CDX1: variants seen among roughly 807,000 people sequenced by gnomAD.
CDX1 encodes the protein caudal type homeobox 1, also known as homeobox protein CDX-1.
In CDX1, 9 loss-of-function variants were observed where a neutral mutation model predicts 16.9. That is an observed-to-expected ratio of 0.53 (90% CI 0.32 to 0.93). CDX1 has a LOEUF of 0.93. CDX1 is among the 40% of genes least tolerant of loss of function. The pLI is 0.04. For missense variants in CDX1, 393 were observed against 386.1 expected (o/e 1.02, Z -0.15); for synonymous variants, 179 against 179.0 (o/e 1.00, Z 0.00).
chr5:150,181,920 G>C (rs961966149), intron 1 of CDX1, among the ~76,000 whole-genome samples: 52 of 152,292 alleles, frequency 3.4e-4, no homozygotes, highest in African/African-American at 1.2e-3. Flanking sequence ...CTGGACACAG[G>C]GGGATGTGTG....
At chr5:150,171,680 G>A (rs927985781) in intron 1 of CDX1, among the ~76,000 whole-genome samples, 1 of 152,178 alleles carries the variant, frequency 6.6e-6, no homozygotes, top group Non-Finnish European at 1.5e-5. Context: ...CATTTCTATG[G>A]CAATCAGAGC....
chr5:150,181,571 G>T (rs931681729), intron 1 of CDX1, among the ~76,000 whole-genome samples: 3 of 152,140 alleles, frequency 2.0e-5, no homozygotes, highest in African/African-American at 7.2e-5. Flanking sequence ...GAGCCACCGC[G>T]CCTGGCCCTA....
chr5:150,167,112 G>T lies in CDX1; in HGVS notation c.236G>T (p.Gly79Val). The T allele has an allele frequency of 7.5e-7, 1 of 1,339,678 alleles. No homozygotes were observed. Among genetic ancestry groups the T allele is most frequent in the South Asian group, 2.0e-5 (1 of 50,080 alleles). The allele number at this position is 1,339,678 out of a possible 1,614,324, so 83.0% of individuals were successfully genotyped here. ...KDDWAAAYGPGPAAPAASPAS... is the reference protein window; with the variant it reads ...KDDWAAAYGPVPAAPAASPAS... ...GACTGGGCCGCCGCCTACGGCCCGG[G>T]CCCCGCGGCCCCTGCCGCCAGCCCA... is the stretch of plus-strand genomic sequence containing the variant. Residue 79 changes from glycine to valine, a missense_variant, in exon 1 of 3, where the codon GGC (glycine) becomes GTC (valine). Transcript: ENST00000231656.
At position 150,167,109 on chromosome 5, in the gene CDX1, C is replaced by T. The variant is rs1277739240; in HGVS notation, c.233C>T (p.Pro78Leu). The change falls in exon 1 of 3, where the codon CCG becomes CTG. Residue 78 changes from proline to leucine, a missense_variant. Coordinates refer to ENST00000231656, the MANE Select transcript of CDX1 (RefSeq NM_001804.3). ...GACGACTGGGCCGCCGCCTACGGCC[C>T]GGGCCCCGCGGCCCCTGCCGCCAGC... ...PKDDWAAAYG[P>L]GPAAPAASPA... is the part of the protein sequence containing the mutation. 10 of 1,344,464 alleles carry T rather than the reference C, an allele frequency of 7.4e-6. No homozygotes were observed. The highest frequency in any genetic ancestry group is 6.6e-6 in the Non-Finnish European group (7 of 1,056,396). The allele number at this position is 1,344,464 out of a possible 1,614,324, so 83.3% of individuals were successfully genotyped here.
rs73796346 is a variant in CDX1 at position 150,181,056 on chromosome 5, A to G, written c.446-1712A>G. On this transcript the variant is annotated intron_variant, in intron 1 of 2. Coordinates refer to ENST00000231656, the MANE Select transcript of CDX1 (RefSeq NM_001804.3). Reference sequence around the variant, plus strand: ...TGTCTCCTCTGCTCAGAATCCTGCAATGGCTCCTGTCCCAGACAGAGGAAA... The same window carrying G: ...TGTCTCCTCTGCTCAGAATCCTGCAGTGGCTCCTGTCCCAGACAGAGGAAA... 6.0e-3 allele frequency among the ~76,000 whole-genome samples: 917 copies of G among 152,282 alleles called. 8 individuals are homozygous for G. The highest frequency in any genetic ancestry group is 0.021 in the African/African-American group (880 of 41,546).
Position 150,167,320 on chromosome 5 carries a change from C to T in CDX1, c.444C>T (p.Ser148=), listed in dbSNP as rs987049203. 3 of 1,255,918 alleles carry T rather than the reference C, an allele frequency of 2.4e-6. No individual in the cohort carries two copies. Among genetic ancestry groups the T allele is most frequent in the African/African-American group, 3.1e-5 (2 of 64,592 alleles). 77.8% of individuals were successfully genotyped at this position (1,255,918 alleles called of 1,614,324 possible). A position where few individuals can be genotyped will look rare whatever the true frequency, so the allele number is the denominator to read the frequency against. Residue 148 remains serine, a splice_region_variant and synonymous_variant, in exon 1 of 3, where the codon AGC becomes AGT. Transcript: ENST00000231656. ...TGGCGGCCGGAGGCGGCGGTGGCAG[C>T]GGTAAGGACCCTTCCCTCGCCCTGC... ...RSVAAGGGGG[S]GKTRTKDKYR...
intron 1 of CDX1, among the ~76,000 whole-genome samples, chr5:150,181,432 C>T (rs979906950): frequency 1.3e-5 from 2 of 152,136 alleles, no homozygotes; most frequent in Admixed American, 6.5e-5. Flanking sequence ...TATGCCACCA[C>T]GCCCGGCTAA....
At chr5:150,177,533 C>T (rs573106254) in intron 1 of CDX1, among the ~76,000 whole-genome samples, 418 of 152,316 alleles carry the variant, frequency 2.7e-3, no homozygotes, top group Non-Finnish European at 4.7e-3. Context: ...GGTTCTACTG[C>T]TGTTTCTGAG....
At chr5:150,171,587 C>T (rs567559018) in intron 1 of CDX1, among the ~76,000 whole-genome samples, 8 of 152,356 alleles carry the variant, frequency 5.3e-5, no homozygotes, top group Admixed American at 6.5e-5. Context: ...CCGCCCGCCT[C>T]GGCCTCCCCA....
chr5:150,167,561 G>A (rs560754935), intron 1 of CDX1, among the ~76,000 whole-genome samples: 60 of 152,336 alleles, frequency 3.9e-4, no homozygotes, highest in African/African-American at 1.2e-3. Flanking sequence ...GAGACCCCCT[G>A]CGAAGTGCGG....
In CDX1 at chr5:150,183,685, A is replaced by G. The variant is rs1367300091; in HGVS notation, c.*5A>G. ...AAAGAGGAGTTTCTGCCATAGCCCC[A>G]TGCCCAGCCTGTGCGCCGGGGGACC... On this transcript the variant is annotated 3_prime_UTR_variant, in exon 3 of 3. Coordinates refer to ENST00000231656, the MANE Select transcript of CDX1 (RefSeq NM_001804.3). The G allele has an allele frequency of 1.9e-6, 3 of 1,543,428 alleles. No homozygotes were observed. The highest frequency in any genetic ancestry group is 2.0e-5 in the Admixed American group (1 of 50,828).
In CDX1 at chr5:150,166,880, T is replaced by C. The variant is rs1384005928; in HGVS notation, c.4T>C (p.Tyr2His). The C allele has an allele frequency of 6.7e-7, 1 of 1,501,790 alleles. No homozygotes were observed. Among genetic ancestry groups the C allele is most frequent in the African/African-American group, 1.5e-5 (1 of 68,194 alleles). The allele number at this position is 1,501,790 out of a possible 1,614,324, so 93.0% of individuals were successfully genotyped here. A position where few individuals can be genotyped will look rare whatever the true frequency, so the allele number is the denominator to read the frequency against. Residue 2 changes from tyrosine (Y) to histidine (H), a missense_variant, in exon 1 of 3, where the codon TAT (tyrosine) becomes CAT (histidine). Tyr to His is a moderately conservative substitution (Grantham distance 83). Transcript: ENST00000231656. Reference sequence around the variant, plus strand: ...CGCGGGGGACCCCGCGGCCACCATGTATGTGGGCTATGTGCTGGACAAGGA... The same window carrying C: ...CGCGGGGGACCCCGCGGCCACCATGCATGTGGGCTATGTGCTGGACAAGGA... M[Y>H]VGYVLDKDSP...
intron 1 of CDX1, among the ~76,000 whole-genome samples, chr5:150,177,986 G>A (rs1450849633): frequency 6.6e-6 from 1 of 152,190 alleles, no homozygotes; most frequent in East Asian, 1.9e-4. Flanking sequence ...AGGACAGAGA[G>A]GAGTAATTAT....
chr5:150,171,999 C>G (rs1761513742), intron 1 of CDX1, among the ~76,000 whole-genome samples: 1 of 152,230 alleles, frequency 6.6e-6, no homozygotes, highest in Non-Finnish European at 1.5e-5. Context: ...AGCAGGTGCA[C>G]TGGAGCACAC....
chr5:150,183,374 A>G, intron 2 of CDX1, 100 bp from the exon 3 acceptor site: 2 of 1,092,154 alleles, frequency 1.8e-6, no homozygotes, highest in Non-Finnish European at 2.6e-6. Context: ...ACAAAGCCAC[A>G]TGGAGAAATA....
At chr5:150,171,226 A>G (rs563124951) in intron 1 of CDX1, among the ~76,000 whole-genome samples, 1 of 152,340 alleles carries the variant, frequency 6.6e-6, no homozygotes, top group East Asian at 1.9e-4. Flanking sequence ...GTACTGCTCC[A>G]GCTATCTTCT....
In CDX1 at chr5:150,170,121, G is replaced by T. The variant is rs183116788; in HGVS notation, c.445+2800G>T. 2.8e-4 allele frequency among the ~76,000 whole-genome samples: 42 copies of T among 152,274 alleles called. 1 individual carries two copies. In the East Asian group the frequency reaches 6.9e-3, roughly 25 times the overall value. On this transcript the variant is annotated intron_variant, in intron 1 of 2. Transcript: ENST00000231656. The stretch of plus-strand genomic sequence containing the variant: ...AGACTTCTTTTAGTTCCTCAGACCT[G>T]CCAAGTCCTACTGCAGATCTTGTGC...
intron 1 of CDX1, among the ~76,000 whole-genome samples, chr5:150,176,577 A>G (rs1032150070): frequency 9.9e-5 from 15 of 152,176 alleles, no homozygotes; most frequent in Non-Finnish European, 2.1e-4. Flanking sequence ...GCAAGGTGGC[A>G]GGGGGGGCCA....
chr5:150,169,462 A>C (rs1217668127), intron 1 of CDX1, among the ~76,000 whole-genome samples: 6 of 152,094 alleles, frequency 3.9e-5, no homozygotes, highest in Non-Finnish European at 8.8e-5. Context: ...CCTCTTCCGC[A>C]GAGGATGCAG....
Sources: gnomAD v4.1 joint callset for allele counts (sites outside exome capture counted in the v4.1 genomes callset) on GRCh38, gnomAD v4.1.1 for gene constraint, MANE v1.5 for transcripts, NCBI Gene and HGNC (gene_info 2026-07-23, HGNC 2026-07-21) for gene names.